The following PREX2 variants were observed in gnomAD, a reference collection of about 807,000 sequenced individuals.
PREX2 encodes phosphatidylinositol 3,4,5-trisphosphate-dependent Rac exchanger 2 protein.
PREX2 carries 107 observed loss-of-function variants against 203.2 expected under a neutral mutation model. That is an observed-to-expected ratio of 0.53 (90% CI 0.45 to 0.62). The LOEUF (loss-of-function observed/expected upper bound fraction) is 0.62. Ranked by LOEUF, PREX2 falls within the 20% of genes least tolerant of loss-of-function variation. The probability of loss-of-function intolerance (pLI) is 0.00; values close to 1 mark genes in which losing one functional copy is unlikely to be tolerated. For synonymous variants in PREX2, 672 were observed against 663.6 expected, an observed-to-expected ratio of 1.01 and a Z score of -0.19; for missense variants, 1,777 against 1,955.9, an observed-to-expected ratio of 0.91 and a Z score of 1.72.
intron 37 of PREX2, among the ~76,000 whole-genome samples, chr8:68,203,705 C>A (rs1388973643): frequency 6.6e-6 from 1 of 152,082 alleles, no homozygotes; most frequent in Non-Finnish European, 1.5e-5. Context: ...TATTAATATT[C>A]CCTGGTGCCT....
intron 17 of PREX2, chr8:68,082,994 T>A: frequency 2.8e-6 from 1 of 354,650 alleles, no homozygotes; most frequent in Non-Finnish European, 5.1e-6. Context: ...GAGTAGGATG[T>A]TAAGTCAGGG....
chr8:68,064,865 A>G (rs1808970491), intron 11 of PREX2, among the ~76,000 whole-genome samples: 1 of 152,192 alleles, frequency 6.6e-6, no homozygotes, highest in Non-Finnish European at 1.5e-5. Flanking sequence ...CAGAGTGGGA[A>G]TATTTATACA....
chr8:68,069,311 T>A (rs1216472268), intron 12 of PREX2, among the ~76,000 whole-genome samples, 175 bp downstream of exon 12: 1 of 151,988 alleles, frequency 6.6e-6, no homozygotes, highest in Admixed American at 6.6e-5. Flanking sequence ...AACGTTCAAT[T>A]GTTTTCTCAT....
chr8:68,079,700 A>C (rs1809454525), intron 15 of PREX2, among the ~76,000 whole-genome samples: 1 of 152,222 alleles, frequency 6.6e-6, no homozygotes, highest in Non-Finnish European at 1.5e-5. Context: ...CTCACTGAAT[A>C]CAAATTCTTC....
chr8:67,973,805 T>C (rs1667874196), intron 1 of PREX2, among the ~76,000 whole-genome samples: 1 of 152,166 alleles, frequency 6.6e-6, no homozygotes, highest in South Asian at 2.1e-4. Flanking sequence ...ATTTTACAGC[T>C]GGGAGCAGTT....
At chr8:68,141,561 C>T (rs890043465) in intron 33 of PREX2, among the ~76,000 whole-genome samples, 5 of 152,228 alleles carry the variant, frequency 3.3e-5, no homozygotes, top group South Asian at 2.1e-4. Context: ...AGAAAAAAGG[C>T]GAGGCAGCCC....
In PREX2 at chr8:68,072,478, T is replaced by C; in HGVS notation, c.1494-17T>C. The stretch of plus-strand genomic sequence containing the variant: ...TTTTTGTTTTTTGTTTGTTTGTTTT[T>C]ATTTTTTCCTTTATAGAGATAAAGA... On this transcript the variant is annotated splice_polypyrimidine_tract_variant and intron_variant, in intron 13 of 39. Transcript: ENST00000288368. The C allele has an allele frequency of 6.8e-7, 1 of 1,466,050 alleles. No homozygotes were observed. The highest frequency in any genetic ancestry group is 1.4e-5 in the African/African-American group (1 of 70,698). The allele number at this position is 1,466,050 out of a possible 1,614,324, so 90.8% of individuals were successfully genotyped here.
intron 37 of PREX2, among the ~76,000 whole-genome samples, chr8:68,216,968 CAAA>C (rs59972334): frequency 0.095 from 10,759 of 112,938 alleles, 652 homozygotes; most frequent in African/African-American, 0.2. Context: ...CTCAAAAAAA[CAAA>C]AAAAAAAAAA....
At chr8:68,216,986 TGA>T (rs957650026) in intron 37 of PREX2, among the ~76,000 whole-genome samples, 1 of 127,122 alleles carries the variant, frequency 7.9e-6, no homozygotes, top group Non-Finnish European at 1.6e-5. Context: ...AAAAAAAAAA[TGA>T]GAGAGAGAGA....
chr8:68,153,150 C>G (rs1585831617), intron 34 of PREX2, among the ~76,000 whole-genome samples: 1 of 152,312 alleles, frequency 6.6e-6, no homozygotes, highest in East Asian at 1.9e-4. Context: ...ATAACTGGGA[C>G]CAATTCTGAG....
chr8:68,034,448 A>G (rs1807974966), intron 6 of PREX2, among the ~76,000 whole-genome samples: 1 of 152,192 alleles, frequency 6.6e-6, no homozygotes, highest in Non-Finnish European at 1.5e-5. Flanking sequence ...GGGAGTATCA[A>G]TAAACATTAC....
intron 35 of PREX2, among the ~76,000 whole-genome samples, chr8:68,168,909 C>CTT (rs60305267): frequency 0.29 from 42,682 of 149,170 alleles, 6,320 homozygotes; most frequent in East Asian, 0.48. Context: ...CAGAAGATGA[C>CTT]TTTTTTTTTT....
intron 11 of PREX2, among the ~76,000 whole-genome samples, chr8:68,063,176 T>C (rs1265127989): frequency 6.6e-6 from 1 of 152,188 alleles, no homozygotes; most frequent in Non-Finnish European, 1.5e-5. Context: ...CAAGCATATA[T>C]AATAATTACC....
chr8:68,113,967 T>C (rs2077310533), intron 25 of PREX2, among the ~76,000 whole-genome samples: 2 of 152,156 alleles, frequency 1.3e-5, no homozygotes, highest in South Asian at 4.1e-4. Flanking sequence ...GTTCAAGCGA[T>C]TCTCCTGCCT....
chr8:68,163,185 A>T (rs1811687400), intron 35 of PREX2, among the ~76,000 whole-genome samples: 2 of 152,226 alleles, frequency 1.3e-5, no homozygotes, highest in African/African-American at 4.8e-5. Context: ...AAATACAGGC[A>T]GTCATAAAGA....
At chr8:68,019,475 A>G (rs1807500620) in intron 2 of PREX2, 74 bp from the exon 3 acceptor site, 1 of 1,202,072 alleles carries the variant, frequency 8.3e-7, no homozygotes, top group Non-Finnish European at 1.1e-6. Context: ...GGTTGGAGAG[A>G]GAATACTATG....
intron 35 of PREX2, among the ~76,000 whole-genome samples, chr8:68,165,037 A>G (rs965107706): frequency 6.7e-5 from 10 of 150,010 alleles, no homozygotes; most frequent in Non-Finnish European, 1.3e-4. Context: ...TAGACCACAG[A>G]GTACAAGGCT....
At chr8:68,228,981 G>GAAAAAAAAATT (rs1563596907) in intron 39 of PREX2, among the ~76,000 whole-genome samples, 2 of 143,912 alleles carry the variant, frequency 1.4e-5, no homozygotes, top group Non-Finnish European at 1.5e-5. Flanking sequence ...AGAAAAAAAT[G>GAAAAAAAAATT]GCTATGTGAC....
At position 68,027,244 on chromosome 8, in the gene PREX2, G is replaced by A. The variant is rs778971988; in HGVS notation, c.464G>A (p.Arg155Gln). 21 of 1,611,350 alleles carry A rather than the reference G, an allele frequency of 1.3e-5. No homozygotes were observed. Among genetic ancestry groups the A allele is most frequent in the East Asian group, 6.7e-5 (3 of 44,818 alleles). ...FLLNCMLLGGRKNTDVPLEGY... is the reference protein window; with the variant it reads ...FLLNCMLLGGQKNTDVPLEGY... ...CAGAACTGCATGCTGCTTGGAGGAC[G>A]GAAGAACACAGATGTTCCCTTGGAA... Residue 155 changes from arginine (R) to glutamine (Q), a missense_variant, in exon 5 of 40, where the codon CGG becomes CAG. Arg to Gln is a conservative substitution (Grantham distance 43, BLOSUM62 1). Transcript: ENST00000288368.
Sources: allele counts gnomAD v4.1 joint callset (sites outside exome capture counted in the v4.1 genomes callset), GRCh38; gene constraint gnomAD v4.1.1; transcripts MANE v1.5; gene names NCBI Gene and HGNC (gene_info 2026-07-23, HGNC 2026-07-21).